Variants in TRABD2B observed in about 807,000 individuals in gnomAD.
The protein encoded by TRABD2B is metalloprotease TIKI2.
Under a neutral mutation model 40.1 loss-of-function variants are expected in TRABD2B, and 14 were observed. The observed-to-expected ratio is 0.35, with a 90% confidence interval of 0.23 to 0.55. The LOEUF (loss-of-function observed/expected upper bound fraction) is 0.55, where lower values mean the gene tolerates loss of function less well. TRABD2B is among the 20% of genes least tolerant of loss of function. The pLI is 0.90. For missense variants in TRABD2B, 541 were observed against 648.6 expected, an observed-to-expected ratio of 0.83 and a Z score of 1.80; for synonymous variants, 263 against 277.0, an observed-to-expected ratio of 0.95 and a Z score of 0.50.
chr1:47,928,666 C>T (rs1645000626), intron 2 of TRABD2B, among the ~76,000 whole-genome samples: 1 of 152,248 alleles, frequency 6.6e-6, no homozygotes. Context: ...CCAGTCCAAT[C>T]CTCTAGCAAA....
chr1:47,856,875 G>A (rs1352931716), intron 2 of TRABD2B, among the ~76,000 whole-genome samples: 2 of 152,264 alleles, frequency 1.3e-5, no homozygotes, highest in Non-Finnish European at 2.9e-5. Flanking sequence ...GTGGTAAGAT[G>A]TGAGCCTGGA....
intron 2 of TRABD2B, among the ~76,000 whole-genome samples, chr1:47,977,486 C>G (rs1645773444): frequency 6.6e-6 from 1 of 152,058 alleles, no homozygotes; most frequent in Admixed American, 6.6e-5. Flanking sequence ...TTTTCACATG[C>G]CTGAGCTCCA....
chr1:47,953,061 G>C (rs1645368821), intron 2 of TRABD2B, among the ~76,000 whole-genome samples: 1 of 149,626 alleles, frequency 6.7e-6, no homozygotes, highest in South Asian at 2.1e-4. Context: ...GCTACCATTA[G>C]GGGAACATTT....
chr1:47,881,852 G>A (rs748334250), intron 2 of TRABD2B, among the ~76,000 whole-genome samples: 12 of 152,208 alleles, frequency 7.9e-5, no homozygotes, highest in Non-Finnish European at 1.2e-4. Flanking sequence ...GGTGGCCCAT[G>A]CTTATTTGCA....
rs184281626 is a variant in TRABD2B, at chr1:47,884,677, G to A, written c.667-83058C>T. 1.2e-4 allele frequency among the ~76,000 whole-genome samples: 18 copies of A among 152,080 alleles called. No individual in the cohort carries two copies. In the South Asian group the frequency reaches 3.3e-3, roughly 28 times the overall value. On this transcript the variant is annotated intron_variant, in intron 2 of 6. Coordinates refer to ENST00000606738, the MANE Select transcript of TRABD2B (RefSeq NM_001194986.2). Reference sequence around the variant, plus strand: ...CGCCCAGGCTGGAGTGCAGTGTTGCGATCTCGGCTCACTGCAACCTCTCTA... The same window carrying A: ...CGCCCAGGCTGGAGTGCAGTGTTGCAATCTCGGCTCACTGCAACCTCTCTA...
At chr1:47,963,152 T>G in intron 2 of TRABD2B, among the ~76,000 whole-genome samples, 1 of 152,250 alleles carries the variant, frequency 6.6e-6, no homozygotes, top group East Asian at 1.9e-4. Flanking sequence ...CGAATTTATC[T>G]GATGGATCGT....
chr1:47,899,704 G>A (rs1435409854), intron 2 of TRABD2B, among the ~76,000 whole-genome samples: 1 of 152,174 alleles, frequency 6.6e-6, no homozygotes, highest in African/African-American at 2.4e-5. Context: ...TGGTGGTGGT[G>A]TGTGTGGTGG....
At chr1:47,975,888 C>T (rs1645749044) in intron 2 of TRABD2B, among the ~76,000 whole-genome samples, 1 of 152,084 alleles carries the variant, frequency 6.6e-6, no homozygotes, top group South Asian at 2.1e-4. Context: ...TTTGGAGTGA[C>T]AAGAGGAAGG....
At chr1:47,906,238 C>T (rs1210758133) in intron 2 of TRABD2B, among the ~76,000 whole-genome samples, 2 of 152,248 alleles carry the variant, frequency 1.3e-5, no homozygotes, top group Non-Finnish European at 2.9e-5. Context: ...GGGCTTCGTG[C>T]TTTGAATGAC....
At chr1:47,909,106 T>G (rs1259571900) in intron 2 of TRABD2B, among the ~76,000 whole-genome samples, 1 of 152,270 alleles carries the variant, frequency 6.6e-6, no homozygotes, top group Non-Finnish European at 1.5e-5. Flanking sequence ...CTGCCATTCT[T>G]TTTGCTAGGC....
chr1:47,852,377 C>T (rs1645562066), intron 2 of TRABD2B, among the ~76,000 whole-genome samples: 1 of 152,210 alleles, frequency 6.6e-6, no homozygotes, highest in African/African-American at 2.4e-5. Context: ...CGACCATGAA[C>T]AGAATTAAAT....
At chr1:47,889,113 G>A (rs946960767) in intron 2 of TRABD2B, among the ~76,000 whole-genome samples, 6 of 152,196 alleles carry the variant, frequency 3.9e-5, no homozygotes, top group African/African-American at 1.4e-4. Flanking sequence ...GAAAATGTGG[G>A]CCTAACACAG....
In TRABD2B at chr1:47,765,879, T is replaced by G. The variant is rs1199316352; in HGVS notation, c.*23A>C. On this transcript the variant is annotated 3_prime_UTR_variant, in exon 7 of 7. Coordinates refer to ENST00000606738, the MANE Select transcript of TRABD2B (RefSeq NM_001194986.2). Reference sequence around the variant, plus strand: ...AAGACCCCTGTGTCATTTCTCTGGCTTCTCCACTTGGGGTGGCCGAGGTCA... The same window carrying G: ...AAGACCCCTGTGTCATTTCTCTGGCGTCTCCACTTGGGGTGGCCGAGGTCA... The G allele has an allele frequency of 2.8e-6, 2 of 702,924 alleles. No individual in the cohort carries two copies. Among genetic ancestry groups the G allele is most frequent in the East Asian group, 2.7e-5 (1 of 37,266 alleles). The allele number at this position is 702,924 out of a possible 1,614,324, so 43.5% of individuals were successfully genotyped here. A position where few individuals can be genotyped will look rare whatever the true frequency, so the allele number is the denominator to read the frequency against.
intron 2 of TRABD2B, among the ~76,000 whole-genome samples, chr1:47,834,678 T>G (rs1219454962): frequency 1.3e-5 from 2 of 152,160 alleles, no homozygotes; most frequent in African/African-American, 4.8e-5. Context: ...CATTAGCTGA[T>G]CACAAAGCTA....
chr1:47,969,464 A>G (rs1326910439), intron 2 of TRABD2B, among the ~76,000 whole-genome samples: 1 of 152,232 alleles, frequency 6.6e-6, no homozygotes, highest in Non-Finnish European at 1.5e-5. Flanking sequence ...GACAGAAGCC[A>G]GCATAGGGCA....
chr1:47,825,463 C>T (rs1645162600), intron 2 of TRABD2B, among the ~76,000 whole-genome samples: 1 of 152,230 alleles, frequency 6.6e-6, no homozygotes, highest in Non-Finnish European at 1.5e-5. Flanking sequence ...TCTTTTACTC[C>T]TCCACACTTC....
chr1:47,773,135 A>G (rs2124026927), intron 6 of TRABD2B, among the ~76,000 whole-genome samples: 1 of 152,314 alleles, frequency 6.6e-6, no homozygotes, highest in South Asian at 2.1e-4. Flanking sequence ...TGGCCCCACC[A>G]CTGGCCAGGT....
intron 6 of TRABD2B, among the ~76,000 whole-genome samples, chr1:47,767,547 T>C (rs539597793): frequency 2.6e-5 from 4 of 152,334 alleles, no homozygotes; most frequent in East Asian, 1.9e-4. Context: ...GCTGTCCCCA[T>C]TGTACTTAGG....
chr1:47,831,127 T>G (rs1235951314), intron 2 of TRABD2B, among the ~76,000 whole-genome samples: 1 of 152,100 alleles, frequency 6.6e-6, no homozygotes, highest in Non-Finnish European at 1.5e-5. Context: ...TGGTCTCCTA[T>G]CCCCATGGCT....
Sources: allele counts gnomAD v4.1 joint callset (sites outside exome capture counted in the v4.1 genomes callset), GRCh38; gene constraint gnomAD v4.1.1; transcripts MANE v1.5; gene names NCBI Gene and HGNC (gene_info 2026-07-23, HGNC 2026-07-21).